Variants in KCNH5 observed in about 807,000 individuals in gnomAD.
The protein encoded by KCNH5 is voltage-gated delayed rectifier potassium channel KCNH5.
A neutral mutation model predicts 96.1 loss-of-function variants in KCNH5; 46 were observed. The ratio of observed to expected loss-of-function variants is 0.48; its 90% CI spans 0.38 to 0.61. The LOEUF (loss-of-function observed/expected upper bound fraction) is 0.61, where lower values mean the gene tolerates loss of function less well. Ranked by LOEUF, KCNH5 falls within the 20% of genes least tolerant of loss-of-function variation. The pLI is 0.00. For missense variants in KCNH5, 907 were observed against 1,225.8 expected (o/e 0.74, Z 3.88); for synonymous variants, 439 against 449.8 (o/e 0.98, Z 0.30).
chr14:62,763,729 A>G (rs1276237594), intron 10 of KCNH5, among the ~76,000 whole-genome samples: 2 of 152,234 alleles, frequency 1.3e-5, no homozygotes. Context: ...AGTAATATAA[A>G]AAACCCTCAT....
intron 10 of KCNH5, among the ~76,000 whole-genome samples, chr14:62,745,812 G>C (rs562792672): frequency 1.3e-5 from 2 of 152,282 alleles, no homozygotes; most frequent in East Asian, 3.9e-4. Flanking sequence ...AATATCAGGA[G>C]GACCACTTGA....
intron 6 of KCNH5, among the ~76,000 whole-genome samples, chr14:62,972,055 G>GA (rs922978740): frequency 1.3e-5 from 2 of 151,928 alleles, no homozygotes; most frequent in Non-Finnish European, 2.9e-5. Flanking sequence ...ACAGTCAAAA[G>GA]AATGAGAAGA....
intron 7 of KCNH5, among the ~76,000 whole-genome samples, chr14:62,937,569 G>A (rs1889709246): frequency 6.6e-6 from 1 of 152,184 alleles, no homozygotes; most frequent in Non-Finnish European, 1.5e-5. Context: ...AGAAGTAAAA[G>A]GAAGGCCATC....
chr14:62,942,569 T>TAA (rs1889809101), intron 7 of KCNH5, among the ~76,000 whole-genome samples: 3 of 152,196 alleles, frequency 2.0e-5, no homozygotes, highest in Admixed American at 2.0e-4. Flanking sequence ...AGTGTGCAAC[T>TAA]AAATGCTTCC....
intron 9 of KCNH5, among the ~76,000 whole-genome samples, chr14:62,793,865 G>C (rs1886485354): frequency 6.6e-6 from 1 of 151,848 alleles, no homozygotes; most frequent in African/African-American, 2.4e-5. Flanking sequence ...ATCAGGATAA[G>C]CAGAGCACAG....
intron 9 of KCNH5, among the ~76,000 whole-genome samples, chr14:62,790,044 G>A (rs1278503493): frequency 6.6e-6 from 1 of 151,170 alleles, no homozygotes; most frequent in Non-Finnish European, 1.5e-5. Context: ...AGGTCTCACA[G>A]GCATTTTATC....
At chr14:62,943,596 G>A (rs988866316) in intron 7 of KCNH5, among the ~76,000 whole-genome samples, 21 of 152,222 alleles carry the variant, frequency 1.4e-4, no homozygotes, top group African/African-American at 4.6e-4. Context: ...ACATACGTAT[G>A]TACATACATA....
At chr14:62,993,425 C>A (rs1890849853) in intron 4 of KCNH5, among the ~76,000 whole-genome samples, 1 of 151,832 alleles carries the variant, frequency 6.6e-6, no homozygotes, top group Non-Finnish European at 1.5e-5. Flanking sequence ...AGAAATGTGA[C>A]AGCCTTCAGT....
intron 10 of KCNH5, among the ~76,000 whole-genome samples, chr14:62,769,306 G>A (rs1313843703): frequency 1.3e-5 from 2 of 152,242 alleles, no homozygotes; most frequent in Admixed American, 6.5e-5. Context: ...TGCCAGCAGG[G>A]CCAGTAGGTT....
In KCNH5 at chr14:63,045,256, G is replaced by A. The variant is rs940344947; in HGVS notation, c.-70C>T. 3 of 1,201,420 alleles carry A rather than the reference G, an allele frequency of 2.5e-6. No homozygotes were observed. Among genetic ancestry groups the A allele is most frequent in the Non-Finnish European group, 3.7e-6 (3 of 814,516 alleles). 74.4% of individuals were successfully genotyped at this position (1,201,420 alleles called of 1,614,324 possible). On this transcript the variant is annotated 5_prime_UTR_variant, in exon 1 of 11. Coordinates refer to ENST00000322893, the MANE Select transcript of KCNH5 (RefSeq NM_139318.5). ...GGGGATGCAGGCAAAGAAGGTGGAG[G>A]AAGAGGAGGAAAAGGTGGAAGAGAA...
intron 8 of KCNH5, among the ~76,000 whole-genome samples, chr14:62,848,377 T>C (rs934999065): frequency 6.6e-6 from 1 of 152,212 alleles, no homozygotes; most frequent in Non-Finnish European, 1.5e-5. Context: ...GAAATGTAGC[T>C]TGCTTTCTCC....
At chr14:62,801,740 C>A (rs1221676582) in intron 9 of KCNH5, among the ~76,000 whole-genome samples, 1 of 151,868 alleles carries the variant, frequency 6.6e-6, no homozygotes, top group Non-Finnish European at 1.5e-5. Flanking sequence ...CTTTATAAAC[C>A]TAAATTTAAT....
chr14:62,856,660 C>T (rs992220258), intron 7 of KCNH5, among the ~76,000 whole-genome samples: 1 of 152,122 alleles, frequency 6.6e-6, no homozygotes, highest in African/African-American at 2.4e-5. Flanking sequence ...CTTCCAGTTT[C>T]CAAGTTGCTC....
rs1884365739 is a variant in KCNH5, at chr14:62,702,669, A to G, written c.*4839T>C. On this transcript the variant is annotated 3_prime_UTR_variant, in exon 11 of 11. Coordinates refer to ENST00000322893, the MANE Select transcript of KCNH5 (RefSeq NM_139318.5). ...AGCCTAAGAGTAAAGAAGCAGATAG[A>G]TTCTAATCAGTCTTTTCTCAACCCT... is the stretch of plus-strand genomic sequence containing the variant. 1 of 152,032 alleles carries G rather than the reference A, an allele frequency of 6.6e-6. No homozygotes were observed. Among genetic ancestry groups the G allele is most frequent in the African/African-American group, 2.4e-5 (1 of 41,442 alleles). The allele number at this position is 152,032 out of a possible 1,614,324, so 9.4% of individuals were successfully genotyped here.
intron 3 of KCNH5, among the ~76,000 whole-genome samples, chr14:63,004,303 A>G (rs933945728): frequency 3.3e-5 from 5 of 152,178 alleles, no homozygotes; most frequent in African/African-American, 9.7e-5. Flanking sequence ...GATAACACCT[A>G]TCCTTCACTA....
Position 62,708,109 on chromosome 14 carries a change from C to A in KCNH5, c.2366G>T (p.Gly789Val), listed in dbSNP as rs767520778. The change falls in exon 11 of 11, where the codon GGT (glycine) becomes GTT (valine). Residue 789 changes from glycine (G) to valine (V), a missense_variant. This residue lies in a region of KCNH5 where 362 missense variants were observed against 394.4 expected (regional missense o/e 0.92). Transcript: ENST00000322893. ...RDAMELKPNG[G>V]ADQKCLKVNS... is the part of the protein sequence containing the mutation. ...GACTTTGAGACATTTTTGGTCAGCACCGCCGTTGGGCTTGAGTTCCATGGC... is the reference window on the plus strand; with the variant it reads ...GACTTTGAGACATTTTTGGTCAGCAACGCCGTTGGGCTTGAGTTCCATGGC... The A allele has an allele frequency of 2.2e-5, 35 of 1,614,116 alleles. No homozygotes were observed. The South Asian group carries it at 3.6e-4, about 17-fold the overall frequency.
At chr14:62,839,459 G>T (rs1326715433) in intron 8 of KCNH5, among the ~76,000 whole-genome samples, 1 of 152,124 alleles carries the variant, frequency 6.6e-6, no homozygotes, top group Non-Finnish European at 1.5e-5. Flanking sequence ...TGCCATCTGT[G>T]CTGTCACAAT....
At chr14:62,845,868 A>G (rs757881645) in intron 8 of KCNH5, among the ~76,000 whole-genome samples, 9 of 152,224 alleles carry the variant, frequency 5.9e-5, no homozygotes, top group Non-Finnish European at 1.0e-4. Context: ...CAAGAGAAGT[A>G]TGAACACTGG....
intron 1 of KCNH5, among the ~76,000 whole-genome samples, chr14:63,044,746 C>G (rs921613808): frequency 9.2e-5 from 14 of 152,188 alleles, no homozygotes; most frequent in East Asian, 5.8e-4. Flanking sequence ...AGAATTTGGT[C>G]AGTCCCTGCT....
Sources: allele counts gnomAD v4.1 joint callset (sites outside exome capture counted in the v4.1 genomes callset), GRCh38; gene constraint gnomAD v4.1.1; regional missense constraint gnomAD v4.1.1; transcripts MANE v1.5; gene names NCBI Gene and HGNC (gene_info 2026-07-23, HGNC 2026-07-21).